Variants in PARD3 observed in about 807,000 individuals in gnomAD.
PARD3 encodes the protein partitioning defective 3 homolog.
Under a neutral mutation model 155.4 loss-of-function variants are expected in PARD3, and 75 were observed. The ratio of observed to expected loss-of-function variants is 0.48; its 90% CI spans 0.40 to 0.58. The LOEUF (loss-of-function observed/expected upper bound fraction) is 0.58, where lower values mean the gene tolerates loss of function less well. PARD3 is among the 20% of genes least tolerant of loss of function. The pLI, the probability that PARD3 is intolerant of heterozygous loss-of-function variation, is 0.00. For synonymous variants in PARD3, 576 were observed against 610.5 expected, an observed-to-expected ratio of 0.94 and a Z score of 0.83; for missense variants, 1,642 against 1,721.7, an observed-to-expected ratio of 0.95 and a Z score of 0.82.
At chr10:34,400,987 C>G (rs1196132083) in intron 6 of PARD3, among the ~76,000 whole-genome samples, 1 of 152,156 alleles carries the variant, frequency 6.6e-6, no homozygotes, top group Non-Finnish European at 1.5e-5. Flanking sequence ...AAGTACTTTA[C>G]TAAATGTAAA....
intron 1 of PARD3, among the ~76,000 whole-genome samples, chr10:34,763,300 C>T (rs1837680011): frequency 2.6e-5 from 4 of 152,204 alleles, no homozygotes; most frequent in Admixed American, 2.6e-4. Flanking sequence ...CCAGTGTTGA[C>T]AGTGCATGGG....
At chr10:34,515,590 G>T (rs1235085007) in intron 3 of PARD3, among the ~76,000 whole-genome samples, 1 of 152,114 alleles carries the variant, frequency 6.6e-6, no homozygotes, top group Non-Finnish European at 1.5e-5. Flanking sequence ...TTGTCCTGTG[G>T]GTTCTGATGG....
chr10:34,435,321 A>T (rs1260476522), intron 5 of PARD3, among the ~76,000 whole-genome samples: 1 of 152,202 alleles, frequency 6.6e-6, no homozygotes, highest in Non-Finnish European at 1.5e-5. Flanking sequence ...GAACAATCTA[A>T]AATCAGTTGC....
At chr10:34,447,804 C>CAAGAAAAAAA (rs2076829787) in intron 5 of PARD3, among the ~76,000 whole-genome samples, 2 of 143,534 alleles carry the variant, frequency 1.4e-5, no homozygotes, top group African/African-American at 2.7e-5. Flanking sequence ...GACTCTGTCT[C>CAAGAAAAAAA]AAAAGAAAGA....
At chr10:34,393,836 A>ATTT (rs11330074) in intron 7 of PARD3, among the ~76,000 whole-genome samples, 1 of 128,800 alleles carries the variant, frequency 7.8e-6, no homozygotes, top group African/African-American at 3.0e-5. Context: ...AATAGTAGTA[A>ATTT]TTTTTTTTTT....
intron 2 of PARD3, among the ~76,000 whole-genome samples, chr10:34,673,795 A>T (rs1411368615): frequency 2.0e-5 from 3 of 152,192 alleles, no homozygotes; most frequent in Non-Finnish European, 2.9e-5. Flanking sequence ...AATTGAGACC[A>T]GTCTGGGCAA....
chr10:34,590,321 T>G (rs1233414469), intron 2 of PARD3, among the ~76,000 whole-genome samples: 1 of 152,256 alleles, frequency 6.6e-6, no homozygotes, highest in East Asian at 1.9e-4. Context: ...AAATGTGACT[T>G]GCATCTAATT....
chr10:34,559,656 A>G (rs2085303510), intron 2 of PARD3, among the ~76,000 whole-genome samples: 1 of 152,202 alleles, frequency 6.6e-6, no homozygotes, highest in African/African-American at 2.4e-5. Context: ...CCACTCATCA[A>G]TGCCACAATT....
intron 2 of PARD3, among the ~76,000 whole-genome samples, chr10:34,546,215 G>C (rs1484072272): frequency 6.6e-6 from 1 of 151,938 alleles, no homozygotes; most frequent in Non-Finnish European, 1.5e-5. Context: ...GAAGTTAACA[G>C]TTAAAATGTG....
chr10:34,606,638 C>CAAAAAAAAA (rs398013195), intron 2 of PARD3, among the ~76,000 whole-genome samples: 5 of 79,656 alleles, frequency 6.3e-5, no homozygotes, highest in African/African-American at 2.4e-4. Context: ...CCCGTGTCTT[C>CAAAAAAAAA]AAAAAAAAAA....
chr10:34,293,405 C>T (rs531738094), intron 20 of PARD3, among the ~76,000 whole-genome samples: 1 of 152,156 alleles, frequency 6.6e-6, no homozygotes, highest in East Asian at 1.9e-4. Flanking sequence ...ACCCCAAATA[C>T]CCAAATGCAA....
intron 5 of PARD3, among the ~76,000 whole-genome samples, chr10:34,410,451 C>G (rs936351776): frequency 1.3e-5 from 2 of 152,074 alleles, no homozygotes; most frequent in African/African-American, 4.8e-5. Context: ...TCACAATTCA[C>G]TCATCAAAGA....
At chr10:34,244,297 G>C (rs932287376) in intron 22 of PARD3, among the ~76,000 whole-genome samples, 29 of 152,114 alleles carry the variant, frequency 1.9e-4, no homozygotes, top group Admixed American at 4.6e-4. Flanking sequence ...CTGATTAAGG[G>C]ATAATATATT....
chr10:34,806,636 T>C (rs1220903791), intron 1 of PARD3, among the ~76,000 whole-genome samples: 1 of 152,176 alleles, frequency 6.6e-6, no homozygotes, highest in East Asian at 1.9e-4. Flanking sequence ...CAGCCAACCC[T>C]AAGCAAAATT....
chr10:34,524,317 C>G (rs2082336926), intron 2 of PARD3, among the ~76,000 whole-genome samples: 1 of 152,148 alleles, frequency 6.6e-6, no homozygotes, highest in Non-Finnish European at 1.5e-5. Flanking sequence ...TAATGCCATC[C>G]TTTAAGAAGA....
chr10:34,640,734 A>AAAAAAAAAAAAAAAAAAAAAAC (rs2092650936), intron 2 of PARD3, among the ~76,000 whole-genome samples: 1 of 145,172 alleles, frequency 6.9e-6, no homozygotes, highest in Non-Finnish European at 1.5e-5. Context: ...AAAAAAAAAA[A>AAAAAAAAAAAAAAAAAAAAAAC]AAGCACTTTT....
chr10:34,785,473 C>T (rs866364912), intron 1 of PARD3, among the ~76,000 whole-genome samples: 9 of 151,944 alleles, frequency 5.9e-5, no homozygotes, highest in Admixed American at 4.6e-4. Flanking sequence ...AGTCCAGGCA[C>T]AGTGGCTCAC....
At chr10:34,654,063 T>C (rs1442880933) in intron 2 of PARD3, among the ~76,000 whole-genome samples, 2 of 152,112 alleles carry the variant, frequency 1.3e-5, no homozygotes, top group Non-Finnish European at 2.9e-5. Context: ...TTGTCTTTAT[T>C]AATTGCTTGA....
intron 1 of PARD3, among the ~76,000 whole-genome samples, chr10:34,773,585 T>C (rs1034441703): frequency 6.6e-6 from 1 of 152,200 alleles, no homozygotes; most frequent in African/African-American, 2.4e-5. Flanking sequence ...ACCAACAACG[T>C]CCAAATGCAC....
Sources: allele counts gnomAD v4.1 joint callset (sites outside exome capture counted in the v4.1 genomes callset), GRCh38; gene constraint gnomAD v4.1.1; transcripts MANE v1.5; gene names NCBI Gene and HGNC (gene_info 2026-07-23, HGNC 2026-07-21).